CPVL: variants seen among roughly 807,000 people sequenced by gnomAD.
The protein encoded by CPVL is probable serine carboxypeptidase CPVL.
A neutral mutation model predicts 63.7 loss-of-function variants in CPVL; 51 were observed. That is an observed-to-expected ratio of 0.80 (90% CI 0.64 to 1.01). The LOEUF (loss-of-function observed/expected upper bound fraction) is 1.01. Among genes scored for constraint, CPVL ranks in the 50% least tolerant of loss-of-function variants. The probability of loss-of-function intolerance (pLI) is 0.00; values close to 1 mark genes in which losing one functional copy is unlikely to be tolerated. For synonymous variants in CPVL, 195 were observed against 206.0 expected, an observed-to-expected ratio of 0.95 and a Z score of 0.46; for missense variants, 530 against 573.1, an observed-to-expected ratio of 0.92 and a Z score of 0.77.
chr7:29,108,327 T>C (rs573666901), intron 3 of CPVL, among the ~76,000 whole-genome samples: 1 of 152,346 alleles, frequency 6.6e-6, no homozygotes, highest in African/African-American at 2.4e-5. Flanking sequence ...TGTTCCTACA[T>C]CTATAAGGCA....
chr7:29,021,795 C>T (rs968756319), intron 12 of CPVL, among the ~76,000 whole-genome samples: 10 of 151,872 alleles, frequency 6.6e-5, no homozygotes, highest in South Asian at 4.2e-4. Flanking sequence ...TTTGAGAGGC[C>T]GGCCCCCACC....
At chr7:29,156,747 A>G (rs1421346315) in intron 5 of CPVL, among the ~76,000 whole-genome samples, 1 of 152,250 alleles carries the variant, frequency 6.6e-6, no homozygotes, top group Non-Finnish European at 1.5e-5. Flanking sequence ...CACAAGCATT[A>G]TGCTAAATTA....
Position 29,030,564 on chromosome 7 carries a change from A to G in CPVL, c.1320+13T>C, listed in dbSNP as rs776192680. 3 of 1,605,814 alleles carry G rather than the reference A, an allele frequency of 1.9e-6. No homozygotes were observed. The highest frequency in any genetic ancestry group is 2.7e-5 in the African/African-American group (2 of 74,700). On this transcript the variant is annotated intron_variant, in intron 12 of 12. Coordinates refer to ENST00000265394, the MANE Select transcript of CPVL (RefSeq NM_031311.5). ...CATTCCCACAACCTGCCTGCTCCCA[A>G]GCATCTTCCTACCTGATGGAAGTCA...
chr7:29,065,501 G>T (rs1783052419), intron 10 of CPVL, among the ~76,000 whole-genome samples: 1 of 152,096 alleles, frequency 6.6e-6, no homozygotes. Flanking sequence ...CTACTTTTAT[G>T]AAACAAACTA....
chr7:29,064,021 C>T, intron 11 of CPVL, 40 bp downstream of exon 11: 1 of 1,439,628 alleles, frequency 6.9e-7, no homozygotes, highest in Non-Finnish European at 9.6e-7. Flanking sequence ...TCTGGGTAAT[C>T]TGAAAGTTCC....
upstream of CPVL, among the ~76,000 whole-genome samples, chr7:29,148,004 A>G (rs1286890154): frequency 1.3e-5 from 2 of 152,170 alleles, no homozygotes; most frequent in African/African-American, 2.4e-5. Flanking sequence ...GCTCTAGTCC[A>G]TTGGTGGAAG....
At chr7:29,089,170 T>C (rs989789341) in intron 6 of CPVL, among the ~76,000 whole-genome samples, 2 of 152,096 alleles carry the variant, frequency 1.3e-5, no homozygotes, top group Non-Finnish European at 2.9e-5. Flanking sequence ...GAAAGGTACC[T>C]TAAAGGACCA....
chr7:29,095,959 G>T, intron 4 of CPVL, 144 bp downstream of exon 4: 1 of 725,488 alleles, frequency 1.4e-6, no homozygotes, highest in Middle Eastern at 2.7e-4. Flanking sequence ...TTCTCGGATG[G>T]ATATTGCCAG....
At chr7:29,074,522 T>C (rs190224820) in intron 7 of CPVL, among the ~76,000 whole-genome samples, 10 of 152,216 alleles carry the variant, frequency 6.6e-5, no homozygotes, top group African/African-American at 2.4e-4. Context: ...ATTGGGCAAT[T>C]CTTCTGTCAA....
At chr7:29,059,059 T>C (rs1201121945) in intron 11 of CPVL, among the ~76,000 whole-genome samples, 1 of 152,134 alleles carries the variant, frequency 6.6e-6, no homozygotes, top group Admixed American at 6.5e-5. Flanking sequence ...TCTTTTGTAG[T>C]TGTCCCACAG....
At chr7:29,180,663 T>C (rs1797959277) in intron 5 of CPVL, among the ~76,000 whole-genome samples, 1 of 152,202 alleles carries the variant, frequency 6.6e-6, no homozygotes, top group Non-Finnish European at 1.5e-5. Context: ...TTAAAAGTTA[T>C]TATAATTACT....
At chr7:29,094,423 G>T (rs1477328835) in intron 5 of CPVL, among the ~76,000 whole-genome samples, 1 of 152,090 alleles carries the variant, frequency 6.6e-6, no homozygotes, top group African/African-American at 2.4e-5. Context: ...TTAGACGATT[G>T]TGAAAGATTA....
intron 12 of CPVL, 112 bp from the exon 13 acceptor site, chr7:28,995,994 A>G: frequency 1.6e-6 from 1 of 623,320 alleles, no homozygotes; most frequent in Non-Finnish European, 2.7e-6. Flanking sequence ...AATACAGAAC[A>G]TATTCTCCCA....
In CPVL at chr7:29,133,594, T is replaced by C. The variant is rs372441452; in HGVS notation, c.-10-12523A>G. Among the ~76,000 whole-genome samples, 33 of 152,340 alleles carry C rather than the reference T, an allele frequency of 2.2e-4. 1 individual carries two copies. The East Asian group carries it at 4.6e-3, about 21-fold the overall frequency. On this transcript the variant is annotated intron_variant, in intron 1 of 12. Transcript: ENST00000265394. Reference sequence around the variant, plus strand: ...ATTTTTACCTGATGCCCCATGGGTATATGAAACTCAACATGTCAAAATGGC... The same window carrying C: ...ATTTTTACCTGATGCCCCATGGGTACATGAAACTCAACATGTCAAAATGGC...
chr7:29,063,664 G>A (rs565987868), intron 11 of CPVL, among the ~76,000 whole-genome samples: 12 of 152,064 alleles, frequency 7.9e-5, no homozygotes, highest in Admixed American at 1.3e-4. Flanking sequence ...TCTGCCTCCC[G>A]GGTTCAAGTG....
At chr7:29,125,032 T>C (rs1014014333) in intron 1 of CPVL, 2 of 152,090 alleles carry the variant, frequency 1.3e-5, no homozygotes, top group African/African-American at 2.4e-5. Flanking sequence ...AGCCACAGAA[T>C]CCCAGAGACT....
upstream of CPVL, among the ~76,000 whole-genome samples, chr7:29,151,106 G>GAA (rs1441506868): frequency 6.6e-6 from 1 of 152,154 alleles, no homozygotes; most frequent in Admixed American, 6.5e-5. Flanking sequence ...TCAACTTATT[G>GAA]AAGTGCTTCA....
chr7:29,009,368 CG>C (rs1785554722), intron 12 of CPVL: 1 of 151,794 alleles, frequency 6.6e-6, no homozygotes, highest in Non-Finnish European at 1.5e-5. Context: ...TATACTTTAC[CG>C]GCAAGAATAA....
chr7:29,147,216 G>A, upstream of CPVL: 1 of 495,178 alleles, frequency 2.0e-6, no homozygotes, highest in Non-Finnish European at 3.6e-6. Flanking sequence ...CAAGGAGGTT[G>A]CAATGGCAAG....
Sources: allele counts gnomAD v4.1 joint callset (sites outside exome capture counted in the v4.1 genomes callset), GRCh38; gene constraint gnomAD v4.1.1; transcripts MANE v1.5; gene names NCBI Gene and HGNC (gene_info 2026-07-23, HGNC 2026-07-21).